GLI2: variants seen among roughly 807,000 people sequenced by gnomAD.
GLI2 encodes transcription activator GLI2.
In GLI2, 22 loss-of-function variants were observed where a neutral mutation model predicts 78.9. That is an observed-to-expected ratio of 0.28 (90% CI 0.20 to 0.40). The LOEUF (loss-of-function observed/expected upper bound fraction) is 0.40. Among genes scored for constraint, GLI2 ranks in the 10% least tolerant of loss-of-function variants. The pLI, the probability that GLI2 is intolerant of heterozygous loss-of-function variation, is 1.00. For synonymous variants in GLI2, 974 were observed against 963.7 expected, an observed-to-expected ratio of 1.01 and a Z score of -0.20; for missense variants, 2,097 against 2,213.2, an observed-to-expected ratio of 0.95 and a Z score of 1.05.
In GLI2 at chr2:120,988,868, A is replaced by G; in HGVS notation, c.2903A>G (p.Gln968Arg). The stretch of plus-strand genomic sequence containing the variant: ...GATGCCCTGTCCCTGCCGCGGGTGC[A>G]GCGCTTCCACAGCACCCACAACGTG... The part of the protein sequence containing the change: ...RPDALSLPRV[Q>R]RFHSTHNVNP... Residue 968 changes from glutamine (Q) to arginine (R), a missense_variant, in exon 14 of 14, where the codon CAG becomes CGG. Gln to Arg is a conservative substitution (Grantham distance 43, BLOSUM62 1). This residue lies in a region of GLI2 where 1,290 missense variants were observed against 1,261.7 expected (regional missense o/e 1.02). Coordinates refer to ENST00000361492, the MANE Select transcript of GLI2 (RefSeq NM_001374353.1). 2.7e-6 allele frequency: 4 copies of G among 1,498,206 alleles called. No individual in the cohort carries two copies. The highest frequency in any genetic ancestry group is 3.6e-6 in the Non-Finnish European group (4 of 1,126,090). 92.8% of individuals were successfully genotyped at this position (1,498,206 alleles called of 1,614,324 possible). A position where few individuals can be genotyped will look rare whatever the true frequency, so the allele number is the denominator to read the frequency against.
At chr2:120,783,952 C>A (rs373321851) in intron 1 of GLI2, among the ~76,000 whole-genome samples, 10 of 152,194 alleles carry the variant, frequency 6.6e-5, no homozygotes, top group Non-Finnish European at 1.0e-4. Flanking sequence ...CTGACTGGCA[C>A]CTTCCAAGAT....
At chr2:120,893,088 T>C (rs1462656859) in intron 2 of GLI2, among the ~76,000 whole-genome samples, 4 of 152,264 alleles carry the variant, frequency 2.6e-5, no homozygotes, top group Non-Finnish European at 4.4e-5. Flanking sequence ...TTATGAGTTA[T>C]TTGACTAAGG....
intron 1 of GLI2, among the ~76,000 whole-genome samples, chr2:120,761,984 G>T (rs1230048729): frequency 2.0e-5 from 3 of 152,238 alleles, no homozygotes; most frequent in Admixed American, 2.0e-4. Context: ...TACAGAGTGA[G>T]TTCCCAGTGC....
At chr2:120,741,018 G>A (rs1215736272) in intron 1 of GLI2, among the ~76,000 whole-genome samples, 1 of 152,206 alleles carries the variant, frequency 6.6e-6, no homozygotes, top group South Asian at 2.1e-4. Flanking sequence ...GAGCCTGTAT[G>A]CAACCACGCC....
At chr2:120,751,129 G>A (rs2104632463) in intron 1 of GLI2, among the ~76,000 whole-genome samples, 1 of 152,346 alleles carries the variant, frequency 6.6e-6, no homozygotes, top group Middle Eastern at 3.4e-3. Flanking sequence ...TACTCAATGT[G>A]AATTCTGAAG....
At chr2:120,982,921 C>A in intron 11 of GLI2, 41 bp downstream of exon 11, 1 of 1,592,146 alleles carries the variant, frequency 6.3e-7, no homozygotes, top group Non-Finnish European at 8.6e-7. Context: ...ACACTGGGGC[C>A]CCACTGACGC....
intron 2 of GLI2, among the ~76,000 whole-genome samples, chr2:120,880,652 G>A (rs969344664): frequency 6.6e-6 from 1 of 152,164 alleles, no homozygotes; most frequent in Non-Finnish European, 1.5e-5. Flanking sequence ...ACCCCAGACA[G>A]CAAGAAAACC....
intron 2 of GLI2, among the ~76,000 whole-genome samples, chr2:120,818,080 G>T (rs1685586297): frequency 6.6e-6 from 1 of 152,196 alleles, no homozygotes; most frequent in Non-Finnish European, 1.5e-5. Flanking sequence ...TGGTTCAAGG[G>T]CCCTGTGGCC....
At chr2:120,791,969 C>T (rs1270353790) in intron 1 of GLI2, among the ~76,000 whole-genome samples, 5 of 152,090 alleles carry the variant, frequency 3.3e-5, no homozygotes. Context: ...GCGTGTGGGT[C>T]CTGGGCACGC....
chr2:120,767,606 G>A (rs963887192), intron 1 of GLI2, among the ~76,000 whole-genome samples: 3 of 152,180 alleles, frequency 2.0e-5, no homozygotes, highest in Non-Finnish European at 4.4e-5. Flanking sequence ...ACAGGGGCAC[G>A]GGAGCAGTGG....
chr2:120,807,567 A>G (rs55633297), intron 2 of GLI2, among the ~76,000 whole-genome samples: 12,516 of 152,276 alleles, frequency 0.082, 538 homozygotes, highest in Admixed American at 0.12. Flanking sequence ...CGTGATGTGC[A>G]AGGAGGAACC....
chr2:120,783,017 G>A (rs1683891411), intron 1 of GLI2, among the ~76,000 whole-genome samples: 1 of 152,142 alleles, frequency 6.6e-6, no homozygotes, highest in Non-Finnish European at 1.5e-5. Context: ...GGAGGCCATC[G>A]AAAGGAGAGG....
chr2:120,753,932 A>C (rs1231004703), intron 1 of GLI2, among the ~76,000 whole-genome samples: 2 of 151,480 alleles, frequency 1.3e-5, no homozygotes, highest in South Asian at 2.1e-4. Flanking sequence ...AAAAAAAAAA[A>C]CAACTATTTC....
At chr2:120,776,431 G>T (rs747916457) in intron 1 of GLI2, among the ~76,000 whole-genome samples, 1 of 152,160 alleles carries the variant, frequency 6.6e-6, no homozygotes. Context: ...TTGCTCTGGC[G>T]TGTTTGGTGG....
At chr2:120,885,569 G>C (rs545178692) in intron 2 of GLI2, among the ~76,000 whole-genome samples, 1 of 152,192 alleles carries the variant, frequency 6.6e-6, no homozygotes, top group East Asian at 1.9e-4. Context: ...CAGAGGCCTC[G>C]GGGCCTGGGG....
At chr2:120,953,151 A>G (rs1432897558) in intron 4 of GLI2, among the ~76,000 whole-genome samples, 2 of 152,242 alleles carry the variant, frequency 1.3e-5, no homozygotes, top group East Asian at 1.9e-4. Flanking sequence ...CTTAAGCTGA[A>G]GAGATCATCC....
intron 1 of GLI2, among the ~76,000 whole-genome samples, chr2:120,750,777 C>T (rs778121484): frequency 1.3e-5 from 2 of 152,230 alleles, no homozygotes; most frequent in Non-Finnish European, 2.9e-5. Context: ...CTGCCCTTCC[C>T]AGAACTTGGA....
Position 120,986,472 on chromosome 2 carries a change from C to T in GLI2, c.2100C>T (p.Leu700=). 1 of 1,614,062 alleles carries T rather than the reference C, an allele frequency of 6.2e-7. No individual in the cohort carries two copies. Among genetic ancestry groups the T allele is most frequent in the South Asian group, 1.1e-5 (1 of 91,080 alleles). ...TGGCTGCCCCCTCCGCTGGTGGCCT[C>T]CAGCTGCGCAAACACATGACCACCA... ...SALAAPSAGG[L]QLRKHMTTMH... Residue 700 remains leucine (L), a synonymous_variant, in exon 13 of 14, where the codon CTC becomes CTT. Coordinates refer to ENST00000361492, the MANE Select transcript of GLI2 (RefSeq NM_001374353.1).
chr2:120,970,373 T>G lies in GLI2; in HGVS notation c.846-20T>G, dbSNP rs1682082651. On this transcript the variant is annotated intron_variant, in intron 6 of 13. Transcript: ENST00000361492. ...CTCCCGATCCCCCACCCCCACTTCC[T>G]TGTCTGCTCTCTGTTGCAGCCCAGC... 13 of 1,249,782 alleles carry G rather than the reference T, an allele frequency of 1.0e-5. No individual in the cohort carries two copies. Among genetic ancestry groups the G allele is most frequent in the East Asian group, 2.4e-5 (1 of 42,018 alleles). The allele number at this position is 1,249,782 out of a possible 1,614,324, so 77.4% of individuals were successfully genotyped here.
Sources: allele counts gnomAD v4.1 joint callset (sites outside exome capture counted in the v4.1 genomes callset), GRCh38; gene constraint gnomAD v4.1.1; regional missense constraint gnomAD v4.1.1; transcripts MANE v1.5; gene names NCBI Gene and HGNC (gene_info 2026-07-23, HGNC 2026-07-21).